Variants in ATAD2B observed in about 807,000 individuals in gnomAD.
ATAD2B encodes ATPase family AAA domain-containing protein 2B.
In ATAD2B, 40 loss-of-function variants were observed where a neutral mutation model predicts 167.6. That is an observed-to-expected ratio of 0.24 (90% CI 0.19 to 0.31). The LOEUF (loss-of-function observed/expected upper bound fraction) is 0.31. Among genes scored for constraint, ATAD2B ranks in the 10% least tolerant of loss-of-function variants. The pLI is 1.00. For synonymous variants in ATAD2B, 579 were observed against 596.5 expected, an observed-to-expected ratio of 0.97 and a Z score of 0.43; for missense variants, 1,242 against 1,757.2, an observed-to-expected ratio of 0.71 and a Z score of 5.24.
the ATAD2B span, among the ~76,000 whole-genome samples, chr2:23,681,700 A>G: frequency 2.0e-5 from 3 of 152,152 alleles, no homozygotes; most frequent in African/African-American, 7.2e-5. This position sits in a 1 kb window ranked among gnomAD's most constrained non-coding sequence, Gnocchi z 4.2. Flanking sequence ...TCACACACCA[A>G]TTAGTGGCAG....
chr2:23,771,589 T>A (rs1175525839), intron 22 of ATAD2B, among the ~76,000 whole-genome samples: 1 of 152,216 alleles, frequency 6.6e-6, no homozygotes, highest in Non-Finnish European at 1.5e-5. Context: ...ATGTATGTGA[T>A]TATTGATATG....
chr2:23,854,003 T>C (rs1340659737), intron 13 of ATAD2B, among the ~76,000 whole-genome samples: 4 of 152,130 alleles, frequency 2.6e-5, no homozygotes, highest in African/African-American at 9.7e-5. Flanking sequence ...ACCAGCACTT[T>C]GGGAGGCCGA....
intron 17 of ATAD2B, among the ~76,000 whole-genome samples, chr2:23,813,294 TAA>T (rs1050397958): frequency 4.0e-5 from 4 of 100,054 alleles, no homozygotes; most frequent in African/African-American, 7.3e-5. Flanking sequence ...AAAATATTTA[TAA>T]GTCATATAAA....
intron 8 of ATAD2B, among the ~76,000 whole-genome samples, chr2:23,870,886 C>T (rs12612492): frequency 0.1 from 15,307 of 151,842 alleles, 876 homozygotes; most frequent in Middle Eastern, 0.17. Context: ...GGTAATTTGC[C>T]AGGCTGAAGT....
At chr2:23,697,364 C>A in the ATAD2B span, 1 of 152,234 alleles carries the variant, frequency 6.6e-6, no homozygotes, top group African/African-American at 2.4e-5. Flanking sequence ...CTTAGTCCTG[C>A]TTTTGGAGAA....
chr2:23,871,109 C>CAA (rs11389544), intron 8 of ATAD2B, among the ~76,000 whole-genome samples: 161 of 142,072 alleles, frequency 1.1e-3, no homozygotes, highest in South Asian at 3.7e-3. Context: ...TAGTAATTTG[C>CAA]AAAAAAAAAA....
chr2:23,901,665 T>C (rs1700856035), intron 1 of ATAD2B, among the ~76,000 whole-genome samples: 1 of 152,132 alleles, frequency 6.6e-6, no homozygotes, highest in South Asian at 2.1e-4. Context: ...AAAGGAGGGC[T>C]CATGGTGAAT....
chr2:23,923,438 T>C (rs1704244160), intron 1 of ATAD2B, among the ~76,000 whole-genome samples: 1 of 152,166 alleles, frequency 6.6e-6, no homozygotes, highest in East Asian at 1.9e-4. Context: ...GAATACTGTA[T>C]TGCATACTTA....
intron 2 of ATAD2B, among the ~76,000 whole-genome samples, chr2:23,892,473 CTTTTT>C (rs549985460): frequency 7.6e-6 from 1 of 132,254 alleles, no homozygotes; most frequent in Non-Finnish European, 1.6e-5. Context: ...TTTTTCTTTT[CTTTTT>C]TTTTTTTTTT....
intron 22 of ATAD2B, among the ~76,000 whole-genome samples, chr2:23,769,711 G>GATTTTTTTT (rs199842019): frequency 7.7e-6 from 1 of 129,834 alleles, no homozygotes. Flanking sequence ...TCTCACTGTG[G>GATTTTTTTT]GTTTTTTTTT....
downstream of ATAD2B, among the ~76,000 whole-genome samples, chr2:23,747,308 CAT>C (rs1441466356): frequency 1.3e-5 from 2 of 150,850 alleles, no homozygotes; most frequent in Admixed American, 1.3e-4. Flanking sequence ...CATATATATA[CAT>C]ATGTGTAATA....
the ATAD2B span, among the ~76,000 whole-genome samples, chr2:23,688,264 C>T: frequency 2.6e-5 from 4 of 152,324 alleles, no homozygotes; most frequent in East Asian, 3.9e-4. Context: ...GCTGATGACA[C>T]GCCCAGGCGT....
At chr2:23,739,315 G>A in the ATAD2B span, among the ~76,000 whole-genome samples, 4 of 152,134 alleles carry the variant, frequency 2.6e-5, no homozygotes, top group South Asian at 4.1e-4. Context: ...GCACTCCTCA[G>A]CAAATGTAAA....
the ATAD2B span, among the ~76,000 whole-genome samples, chr2:23,732,601 A>C: frequency 1.3e-5 from 2 of 152,194 alleles, no homozygotes; most frequent in Admixed American, 6.5e-5. Context: ...AAAGGTGTTA[A>C]TTCATAAATA....
intron 8 of ATAD2B, among the ~76,000 whole-genome samples, chr2:23,870,336 G>C (rs1246689527): frequency 7.1e-6 from 1 of 141,396 alleles, no homozygotes; most frequent in Non-Finnish European, 1.5e-5. Context: ...ACCCAGGCTG[G>C]AGTGCGGTGG....
chr2:23,685,657 G>A, the ATAD2B span, among the ~76,000 whole-genome samples: 1 of 152,244 alleles, frequency 6.6e-6, no homozygotes, highest in Admixed American at 6.5e-5. Flanking sequence ...GGAAGGGGCA[G>A]GCTCTTTGGG....
intron 22 of ATAD2B, among the ~76,000 whole-genome samples, chr2:23,779,732 T>C (rs1679715208): frequency 6.6e-6 from 1 of 152,164 alleles, no homozygotes; most frequent in Non-Finnish European, 1.5e-5. Context: ...ATTAAAATAA[T>C]GTTGGAGAAA....
intron 1 of ATAD2B, among the ~76,000 whole-genome samples, chr2:23,918,497 C>A (rs1056812629): frequency 6.6e-6 from 1 of 152,034 alleles, no homozygotes; most frequent in Admixed American, 6.6e-5. Flanking sequence ...CAAAAACAAT[C>A]TCTGTACAAT....
At chr2:23,695,822 G>A in the ATAD2B span, 6 of 1,547,328 alleles carry the variant, frequency 3.9e-6, 1 homozygote, top group Admixed American at 5.9e-5. This position sits in a 1 kb window ranked among gnomAD's most constrained non-coding sequence, Gnocchi z 7.6. Flanking sequence ...CTCTCTGCAG[G>A]TATGAAGGGG....
Sources: allele counts gnomAD v4.1 joint callset (sites outside exome capture counted in the v4.1 genomes callset), GRCh38; gene constraint gnomAD v4.1.1; non-coding constraint Gnocchi (gnomAD v3.1); transcripts MANE v1.5; gene names NCBI Gene and HGNC (gene_info 2026-07-23, HGNC 2026-07-21).